SCFD2: variants seen among roughly 807,000 people sequenced by gnomAD.
The protein encoded by SCFD2 is sec1 family domain containing 2, also known as sec1 family domain-containing protein 2.
A neutral mutation model predicts 58.9 loss-of-function variants in SCFD2; 54 were observed. That is an observed-to-expected ratio of 0.92 (90% CI 0.74 to 1.15). SCFD2 has a LOEUF of 1.15. Among genes scored for constraint, SCFD2 ranks in the 50% most tolerant of loss-of-function variants. The pLI is 0.00. For missense variants in SCFD2, 805 were observed against 836.6 expected (o/e 0.96, Z 0.47); for synonymous variants, 321 against 335.9 (o/e 0.96, Z 0.49).
chr4:53,015,670 G>A (rs1387912615), intron 5 of SCFD2, among the ~76,000 whole-genome samples: 1 of 152,082 alleles, frequency 6.6e-6, no homozygotes, highest in East Asian at 1.9e-4. Flanking sequence ...TGTGTTCCTG[G>A]AAGCTTTGAC....
At chr4:52,946,597 A>G (rs1184693923) in intron 5 of SCFD2, among the ~76,000 whole-genome samples, 1 of 152,202 alleles carries the variant, frequency 6.6e-6, no homozygotes, top group East Asian at 1.9e-4. Context: ...GGTCATAAAC[A>G]ATCACTATGT....
chr4:53,117,877 C>T (rs1048597831), intron 5 of SCFD2, among the ~76,000 whole-genome samples: 1 of 152,128 alleles, frequency 6.6e-6, no homozygotes, highest in Admixed American at 6.5e-5. Context: ...TTCATTTTTC[C>T]ATCCAATCAG....
intron 5 of SCFD2, among the ~76,000 whole-genome samples, chr4:53,103,350 A>G (rs1157523302): frequency 6.6e-6 from 1 of 151,950 alleles, no homozygotes; most frequent in East Asian, 1.9e-4. Context: ...ATGGGAGCCA[A>G]GTTTTTCACT....
chr4:53,154,159 G>A (rs67349114), intron 4 of SCFD2, among the ~76,000 whole-genome samples: 26,792 of 151,974 alleles, frequency 0.18, 2,641 homozygotes, highest in Admixed American at 0.25. Flanking sequence ...TCCTCGTACC[G>A]ATTTTTTGTG....
At chr4:53,361,751 T>G (rs540116529) in intron 1 of SCFD2, among the ~76,000 whole-genome samples, 109 of 152,336 alleles carry the variant, frequency 7.2e-4, no homozygotes, top group African/African-American at 2.6e-3. Context: ...ATTTTCTTTC[T>G]TAAGTTTTCC....
chr4:53,226,953 TA>T (rs1231757416), intron 4 of SCFD2, among the ~76,000 whole-genome samples: 1 of 152,188 alleles, frequency 6.6e-6, no homozygotes, highest in Non-Finnish European at 1.5e-5. Context: ...TACCCCGATC[TA>T]AAAAAGGTAT....
At chr4:53,354,448 C>T (rs775431434) in intron 1 of SCFD2, among the ~76,000 whole-genome samples, 8 of 152,208 alleles carry the variant, frequency 5.3e-5, no homozygotes, top group African/African-American at 1.2e-4. Context: ...GGTTCCTGCC[C>T]GTGCCTCTTC....
intron 4 of SCFD2, among the ~76,000 whole-genome samples, chr4:53,192,251 T>G (rs1727935900): frequency 6.6e-6 from 1 of 152,192 alleles, no homozygotes; most frequent in African/African-American, 2.4e-5. Context: ...ACATCTTGTT[T>G]CTACTGCCTG....
At chr4:52,888,827 A>T (rs963981151) in intron 7 of SCFD2, among the ~76,000 whole-genome samples, 1 of 152,124 alleles carries the variant, frequency 6.6e-6, no homozygotes, top group Non-Finnish European at 1.5e-5. Context: ...TGCCTTCAAT[A>T]TCTTTTATGT....
chr4:53,173,360 A>G (rs564683447), intron 4 of SCFD2, among the ~76,000 whole-genome samples: 1 of 152,206 alleles, frequency 6.6e-6, no homozygotes, highest in Non-Finnish European at 1.5e-5. Flanking sequence ...TCAAAAAATC[A>G]TAAGTCAATC....
At chr4:52,881,233 A>C (rs1356552928) in intron 8 of SCFD2, among the ~76,000 whole-genome samples, 1 of 152,208 alleles carries the variant, frequency 6.6e-6, no homozygotes, top group Non-Finnish European at 1.5e-5. Flanking sequence ...TTTGTGAAAG[A>C]CAGTTCATTT....
At chr4:53,242,089 C>A (rs1405427591) in intron 4 of SCFD2, among the ~76,000 whole-genome samples, 1 of 152,260 alleles carries the variant, frequency 6.6e-6, no homozygotes, top group African/African-American at 2.4e-5. Context: ...GGCTGGCACC[C>A]CAGCACCCAC....
At chr4:53,039,902 A>T (rs79796608) in intron 5 of SCFD2, among the ~76,000 whole-genome samples, 12,962 of 152,188 alleles carry the variant, frequency 0.085, 751 homozygotes, top group Non-Finnish European at 0.13. Flanking sequence ...TGCTGACTTC[A>T]TTCATCTCTT....
chr4:53,329,375 T>C (rs1179269146), intron 2 of SCFD2, among the ~76,000 whole-genome samples: 2 of 152,040 alleles, frequency 1.3e-5, no homozygotes, highest in Non-Finnish European at 2.9e-5. Flanking sequence ...GCAGTGGTTC[T>C]CCCAGCACGC....
At chr4:53,294,935 G>T (rs1731972626) in intron 3 of SCFD2, among the ~76,000 whole-genome samples, 1 of 152,162 alleles carries the variant, frequency 6.6e-6, no homozygotes, top group Non-Finnish European at 1.5e-5. Context: ...GTTTGTTAAA[G>T]ATCAGATGGT....
chr4:53,016,655 G>A (rs1722220468), intron 5 of SCFD2, among the ~76,000 whole-genome samples: 1 of 152,142 alleles, frequency 6.6e-6, no homozygotes, highest in South Asian at 2.1e-4. Context: ...ATGAGTAAGA[G>A]GCTCTAATTA....
chr4:53,029,164 C>G (rs569693065), intron 5 of SCFD2, among the ~76,000 whole-genome samples: 2 of 152,058 alleles, frequency 1.3e-5, no homozygotes, highest in Non-Finnish European at 2.9e-5. Context: ...GGAAATTATT[C>G]TGTAATTTCA....
At chr4:52,883,209 T>G (rs115409814) in intron 8 of SCFD2, among the ~76,000 whole-genome samples, 1 of 152,178 alleles carries the variant, frequency 6.6e-6, no homozygotes, top group African/African-American at 2.4e-5. Context: ...AAGCTGGTCA[T>G]GTCTCAGATC....
chr4:53,247,633 G>A lies in SCFD2; in HGVS notation c.1311+26193C>T, dbSNP rs375975713. Among the ~76,000 whole-genome samples the A allele has an allele frequency of 5.1e-4, 77 of 151,952 alleles. 1 individual carries two copies. In the East Asian group the frequency reaches 0.014, roughly 27 times the overall value. On this transcript the variant is annotated intron_variant, in intron 4 of 8. Transcript: ENST00000401642. ...CCAGCACTTTGGGAGGCCGAGGCGG[G>A]TGGATCATGAGGTCAGGAGATCGAG...
Sources: allele counts gnomAD v4.1 joint callset (sites outside exome capture counted in the v4.1 genomes callset), GRCh38; gene constraint gnomAD v4.1.1; transcripts MANE v1.5; gene names NCBI Gene and HGNC (gene_info 2026-07-23, HGNC 2026-07-21).